Variants in AFF2 observed in about 807,000 individuals in gnomAD.
AFF2 encodes AF4/FMR2 family member 2.
In AFF2, 14 loss-of-function variants were observed where a neutral mutation model predicts 76.9. The observed-to-expected ratio is 0.18, with a 90% confidence interval of 0.12 to 0.28. The LOEUF (loss-of-function observed/expected upper bound fraction) is 0.28. AFF2 is among the 10% of genes least tolerant of loss of function. The pLI, the probability that AFF2 is intolerant of heterozygous loss-of-function variation, is 1.00. For missense variants in AFF2, 868 were observed against 1,001.1 expected (o/e 0.87, Z 1.79); for synonymous variants, 398 against 366.7 (o/e 1.09, Z -0.98).
At chrX:148,539,441 TG>T (rs1457332706) in intron 1 of AFF2, among the ~76,000 whole-genome samples, 1 of 111,490 alleles carries the variant, frequency 9.0e-6, no homozygotes, top group Non-Finnish European at 1.9e-5. Flanking sequence ...ATGAGGAGAC[TG>T]ATACTCATTA....
intron 7 of AFF2, among the ~76,000 whole-genome samples, chrX:148,861,967 T>A (rs1369910636): frequency 9.0e-6 from 1 of 110,652 alleles, no homozygotes; most frequent in Non-Finnish European, 1.9e-5. Context: ...TTGTCTGTTT[T>A]TTTTTCCCCC....
At chrX:148,594,469 C>CA (rs2124377366) in intron 1 of AFF2, among the ~76,000 whole-genome samples, 1 of 109,947 alleles carries the variant, frequency 9.1e-6, no homozygotes, top group South Asian at 4.0e-4. Flanking sequence ...TCACATGCCT[C>CA]TAATTTAACT....
At chrX:148,569,994 TC>T (rs1407870935) in intron 1 of AFF2, among the ~76,000 whole-genome samples, 14 of 111,660 alleles carry the variant, frequency 1.3e-4, no homozygotes, top group Non-Finnish European at 2.6e-4. Context: ...TATACTCATA[TC>T]CAATATTTCC....
At chrX:148,586,772 T>C (rs2053474000) in intron 1 of AFF2, among the ~76,000 whole-genome samples, 1 of 111,677 alleles carries the variant, frequency 9.0e-6, no homozygotes, top group South Asian at 3.8e-4. Context: ...CACAGACTGA[T>C]AGAGCAGGCC....
At chrX:148,542,310 G>A (rs782682967) in intron 1 of AFF2, among the ~76,000 whole-genome samples, 1 of 107,648 alleles carries the variant, frequency 9.3e-6, no homozygotes, top group Non-Finnish European at 1.9e-5. Flanking sequence ...AGCCCTTAGC[G>A]AACCAACATT....
At chrX:148,908,482 C>T (rs782559623) in intron 9 of AFF2, among the ~76,000 whole-genome samples, 165 of 112,281 alleles carry the variant, frequency 1.5e-3, no homozygotes, top group African/African-American at 4.8e-3. Flanking sequence ...CCTGACTTCC[C>T]GCAACACAGT....
intron 9 of AFF2, among the ~76,000 whole-genome samples, chrX:148,904,554 C>G (rs1237359453): frequency 4.5e-5 from 5 of 112,035 alleles, no homozygotes; most frequent in Non-Finnish European, 7.5e-5. Flanking sequence ...CATAGTACTT[C>G]AAGCCTTTGG....
chrX:148,954,978 C>G (rs782521407), intron 10 of AFF2, among the ~76,000 whole-genome samples: 3 of 112,514 alleles, frequency 2.7e-5, no homozygotes, highest in Admixed American at 9.4e-5. Context: ...ATGCTAATGT[C>G]TGCATGCATG....
intron 9 of AFF2, among the ~76,000 whole-genome samples, chrX:148,945,757 G>A (rs1366805347): frequency 8.9e-6 from 1 of 112,295 alleles, no homozygotes; most frequent in Non-Finnish European, 1.9e-5. Flanking sequence ...TACAGGTAAG[G>A]AAACTGAGAC....
rs782435040 is a variant in AFF2 at position 148,570,072 on chromosome X, C to T, written c.47+68928C>T. ...TAATTTTGATGGATCAAGATGCAGACGATTTATAATTTCTACCAATCCAAA... is the reference window on the plus strand; with the variant it reads ...TAATTTTGATGGATCAAGATGCAGATGATTTATAATTTCTACCAATCCAAA... On this transcript the variant is annotated intron_variant, in intron 1 of 20. Coordinates refer to ENST00000370460, the MANE Select transcript of AFF2 (RefSeq NM_002025.4). Among the ~76,000 whole-genome samples the T allele has an allele frequency of 8.1e-5, 9 of 111,420 alleles. No individual in the cohort carries two copies. In the East Asian group the frequency reaches 1.4e-3, roughly 18 times the overall value.
chrX:148,799,792 G>A (rs1442516075), intron 3 of AFF2, among the ~76,000 whole-genome samples: 4 of 111,978 alleles, frequency 3.6e-5, no homozygotes, highest in Non-Finnish European at 5.6e-5. Context: ...TGCTTGCTTA[G>A]CATAGCGCCT....
At chrX:148,918,768 A>T in intron 9 of AFF2, among the ~76,000 whole-genome samples, 1 of 112,119 alleles carries the variant, frequency 8.9e-6, no homozygotes, top group Admixed American at 9.4e-5. Context: ...TAGAGGACAG[A>T]TACTCAAAAG....
intron 4 of AFF2, among the ~76,000 whole-genome samples, chrX:148,822,013 A>G (rs2070333930): frequency 8.9e-6 from 1 of 112,482 alleles, no homozygotes; most frequent in African/African-American, 3.2e-5. Flanking sequence ...TTGATTTTCC[A>G]TGAAAATATT....
In AFF2 at chrX:148,876,638, T is replaced by C. The variant is rs782611642; in HGVS notation, c.1263-9251T>C. Among the ~76,000 whole-genome samples the C allele has an allele frequency of 3.6e-5, 4 of 111,954 alleles. No homozygotes were observed. The South Asian group carries it at 1.5e-3, about 42-fold the overall frequency. On this transcript the variant is annotated intron_variant, in intron 7 of 20. Coordinates refer to ENST00000370460, the MANE Select transcript of AFF2 (RefSeq NM_002025.4). ...ATGAGACCTTAGTAAATGAGAGTTA[T>C]GTTCAGCAGGTCACCAGGATATGAA...
At chrX:148,977,660 C>T (rs1031071363) in intron 16 of AFF2, among the ~76,000 whole-genome samples, 1 of 105,136 alleles carries the variant, frequency 9.5e-6, no homozygotes, top group Non-Finnish European at 2.0e-5. Context: ...CACACACACT[C>T]ACGGTAATTC....
At chrX:148,738,267 A>G (rs2055309677) in intron 3 of AFF2, among the ~76,000 whole-genome samples, 2 of 110,668 alleles carry the variant, frequency 1.8e-5, no homozygotes, top group Non-Finnish European at 3.8e-5. Flanking sequence ...TTTTGTCGGT[A>G]ATTTTTAAAT....
intron 7 of AFF2, among the ~76,000 whole-genome samples, chrX:148,852,077 T>C (rs113070253): frequency 5.4e-5 from 6 of 111,761 alleles, no homozygotes; most frequent in African/African-American, 1.9e-4. Flanking sequence ...TATGGCTGCA[T>C]AGCATTCCAT....
intron 19 of AFF2, among the ~76,000 whole-genome samples, chrX:148,981,659 T>C (rs2072395801): frequency 8.9e-6 from 1 of 111,858 alleles, no homozygotes; most frequent in East Asian, 2.8e-4. Flanking sequence ...CCCTCAGTGA[T>C]GGGAAGGGAA....
At chrX:148,847,565 T>C (rs1204213370) in intron 7 of AFF2, among the ~76,000 whole-genome samples, 1 of 111,680 alleles carries the variant, frequency 9.0e-6, no homozygotes, top group Non-Finnish European at 1.9e-5. Context: ...TTTGCCAACT[T>C]ATGGTATTAA....
Sources: allele counts gnomAD v4.1 joint callset (sites outside exome capture counted in the v4.1 genomes callset), GRCh38; gene constraint gnomAD v4.1.1; transcripts MANE v1.5; gene names NCBI Gene and HGNC (gene_info 2026-07-23, HGNC 2026-07-21).